Variants in PCDH7 observed in about 807,000 individuals in gnomAD.
PCDH7 encodes the protein protocadherin-7.
PCDH7 carries 17 observed loss-of-function variants against 58.9 expected under a neutral mutation model. That is an observed-to-expected ratio of 0.29 (90% CI 0.20 to 0.43). PCDH7 has a LOEUF of 0.43. PCDH7 is among the 20% of genes least tolerant of loss of function. PCDH7 has a pLI of 1.00. For missense variants in PCDH7, 1,274 were observed against 1,441.0 expected (o/e 0.88, Z 1.88); for synonymous variants, 664 against 616.4 (o/e 1.08, Z -1.14).
intron 3 of PCDH7, among the ~76,000 whole-genome samples, chr4:30,956,058 A>C (rs1747832039): frequency 6.6e-6 from 1 of 151,674 alleles, no homozygotes; most frequent in South Asian, 2.1e-4. Flanking sequence ...AAGCAAAAAA[A>C]AAACAATTAG....
chr4:30,814,779 G>A (rs1016358370), intron 1 of PCDH7, among the ~76,000 whole-genome samples: 4 of 152,092 alleles, frequency 2.6e-5, no homozygotes, highest in African/African-American at 9.6e-5. Context: ...TTTAGGTTTT[G>A]GAAAAAGTTA....
intron 3 of PCDH7, among the ~76,000 whole-genome samples, chr4:31,070,159 A>G (rs997756226): frequency 1.3e-5 from 2 of 152,076 alleles, no homozygotes; most frequent in Non-Finnish European, 2.9e-5. Flanking sequence ...CTAGAAAAAT[A>G]TGAAATATGC....
At chr4:30,911,888 A>T (rs28504125) in intron 1 of PCDH7, among the ~76,000 whole-genome samples, 5,931 of 149,460 alleles carry the variant, frequency 0.04, 330 homozygotes, top group African/African-American at 0.12. Flanking sequence ...TGCTTTTTTT[A>T]AAAAAAAAAT....
intron 3 of PCDH7, among the ~76,000 whole-genome samples, chr4:30,959,540 A>G (rs115968056): frequency 0.013 from 2,032 of 152,288 alleles, 46 homozygotes; most frequent in African/African-American, 0.047. Context: ...TTACTTTGAC[A>G]TGACTATAGT....
chr4:31,146,583 A>C (rs1318242937), downstream of PCDH7: 5 of 152,074 alleles, frequency 3.3e-5, no homozygotes, highest in African/African-American at 1.2e-4. Context: ...TTGTTCTGCT[A>C]CTTGGATGTT....
chr4:31,143,805 T>C (rs1038897399), downstream of PCDH7: 1 of 152,170 alleles, frequency 6.6e-6, no homozygotes, highest in Non-Finnish European at 1.5e-5. Flanking sequence ...AATCAAACAC[T>C]AGTTCATTTT....
intron 1 of PCDH7, among the ~76,000 whole-genome samples, chr4:30,867,465 T>A (rs564431105): frequency 1.1e-4 from 17 of 152,230 alleles, no homozygotes; most frequent in African/African-American, 4.1e-4. Context: ...CAAGGAAGAA[T>A]GAAAGCCTCT....
chr4:30,730,465 T>TA (rs1233234215), intron 1 of PCDH7, among the ~76,000 whole-genome samples: 1 of 152,154 alleles, frequency 6.6e-6, no homozygotes, highest in African/African-American at 2.4e-5. Flanking sequence ...ATTAATGTTT[T>TA]AAAGGCGGAA....
chr4:30,800,665 G>A (rs1461114727), intron 1 of PCDH7, among the ~76,000 whole-genome samples: 1 of 152,180 alleles, frequency 6.6e-6, no homozygotes, highest in Non-Finnish European at 1.5e-5. Flanking sequence ...AATAAATTAA[G>A]TTTCCTCAAA....
intron 1 of PCDH7, among the ~76,000 whole-genome samples, chr4:30,828,260 G>C (rs1310253919): frequency 3.3e-5 from 5 of 151,860 alleles, no homozygotes; most frequent in Non-Finnish European, 7.4e-5. Context: ...AAAAAAATAT[G>C]TTGAAAGCAG....
intron 3 of PCDH7, among the ~76,000 whole-genome samples, chr4:31,051,843 GTA>G (rs1756767877): frequency 2.0e-5 from 3 of 148,096 alleles, no homozygotes; most frequent in African/African-American, 7.6e-5. Context: ...TGGGGGGCGG[GTA>G]GGGGAATTGT....
At chr4:30,755,976 G>A (rs1719238026) in intron 1 of PCDH7, among the ~76,000 whole-genome samples, 1 of 152,098 alleles carries the variant, frequency 6.6e-6, no homozygotes, top group Non-Finnish European at 1.5e-5. Flanking sequence ...CTACTCAGGA[G>A]GCTGAGGCAG....
At chr4:31,051,837 G>GC (rs147749298) in intron 3 of PCDH7, among the ~76,000 whole-genome samples, 13,161 of 149,358 alleles carry the variant, frequency 0.088, 870 homozygotes, top group East Asian at 0.21. Flanking sequence ...TGTGTGTGGG[G>GC]GGCGGGTAGG....
intron 1 of PCDH7, among the ~76,000 whole-genome samples, chr4:30,812,412 T>C (rs1357427637): frequency 6.6e-6 from 1 of 152,208 alleles, no homozygotes; most frequent in Non-Finnish European, 1.5e-5. Flanking sequence ...CCCCCAGAAA[T>C]TAACTCAGGA....
intron 1 of PCDH7, among the ~76,000 whole-genome samples, chr4:30,800,235 T>G (rs1725363587): frequency 6.6e-6 from 1 of 152,028 alleles, no homozygotes. Flanking sequence ...ATGAGCTGAC[T>G]TGACTGAGGC....
intron 3 of PCDH7, among the ~76,000 whole-genome samples, chr4:30,976,811 C>G (rs1054348318): frequency 1.3e-5 from 2 of 152,082 alleles, no homozygotes; most frequent in Admixed American, 1.3e-4. Context: ...GGATTTAGAA[C>G]AAAATTCATG....
intron 3 of PCDH7, among the ~76,000 whole-genome samples, chr4:31,138,201 C>T (rs1719846892): frequency 6.6e-6 from 1 of 152,170 alleles, no homozygotes; most frequent in South Asian, 2.1e-4. Flanking sequence ...CATCTAGCAG[C>T]ATCTGCCCAC....
chr4:31,077,956 C>A (rs139428960), intron 3 of PCDH7, among the ~76,000 whole-genome samples: 2 of 151,974 alleles, frequency 1.3e-5, no homozygotes, highest in East Asian at 3.9e-4. Flanking sequence ...AATTCTGATC[C>A]CAGAATTTAC....
chr4:30,759,431 A>G (rs1180626926), intron 1 of PCDH7, among the ~76,000 whole-genome samples: 2 of 152,210 alleles, frequency 1.3e-5, no homozygotes, highest in African/African-American at 4.8e-5. Context: ...CTTTCAGGAA[A>G]TTCTGGGAGT....
Sources: allele counts gnomAD v4.1 joint callset (sites outside exome capture counted in the v4.1 genomes callset), GRCh38; gene constraint gnomAD v4.1.1; transcripts MANE v1.5; gene names NCBI Gene and HGNC (gene_info 2026-07-23, HGNC 2026-07-21).